PHACTR2: variants seen among roughly 807,000 people sequenced by gnomAD.
PHACTR2 encodes chromosome 6 open reading frame 56.
A neutral mutation model predicts 76.0 loss-of-function variants in PHACTR2; 30 were observed. The ratio of observed to expected loss-of-function variants is 0.39; its 90% CI spans 0.30 to 0.54. The LOEUF (loss-of-function observed/expected upper bound fraction) is 0.54. Ranked by LOEUF, PHACTR2 falls within the 20% of genes least tolerant of loss-of-function variation. PHACTR2 has a pLI of 0.61. For synonymous variants in PHACTR2, 292 were observed against 292.5 expected, an observed-to-expected ratio of 1.00 and a Z score of 0.02; for missense variants, 696 against 781.1, an observed-to-expected ratio of 0.89 and a Z score of 1.30.
At chr6:143,758,295 A>T (rs556377576) in intron 4 of PHACTR2, among the ~76,000 whole-genome samples, 2 of 152,246 alleles carry the variant, frequency 1.3e-5, no homozygotes, top group South Asian at 4.1e-4. Flanking sequence ...TGTGGTATAT[A>T]AGAGAATTAA....
In PHACTR2 at chr6:143,772,138, G is replaced by A; in HGVS notation, c.1233-120G>A. On this transcript the variant is annotated intron_variant, in intron 6 of 12. Coordinates refer to ENST00000440869, the MANE Select transcript of PHACTR2 (RefSeq NM_001100164.2). The surrounding 1 kb of genome is among the most constrained non-coding windows in gnomAD (Gnocchi z 5.4). ...GTGACTTTAGCCTGGCCTATGTCAA[G>A]TGTCTGCTTTCCTCAGCCTGAAGGA... 1 of 702,530 alleles carries A rather than the reference G, an allele frequency of 1.4e-6. No individual in the cohort carries two copies. The allele number at this position is 702,530 out of a possible 1,614,324, so 43.5% of individuals were successfully genotyped here.
intron 2 of PHACTR2, among the ~76,000 whole-genome samples, chr6:143,727,857 C>G (rs1323456413): frequency 6.6e-6 from 1 of 152,100 alleles, no homozygotes; most frequent in Non-Finnish European, 1.5e-5. Flanking sequence ...TATTAAAGCC[C>G]TTATATGACA....
intron 1 of PHACTR2, among the ~76,000 whole-genome samples, chr6:143,538,093 T>TAC (rs34308001): frequency 0.036 from 5,486 of 150,610 alleles, 227 homozygotes; most frequent in African/African-American, 0.099. Flanking sequence ...GACTCCGTCT[T>TAC]ACACACACAC....
At chr6:143,538,723 C>T (rs952621806) in intron 1 of PHACTR2, among the ~76,000 whole-genome samples, 2 of 152,232 alleles carry the variant, frequency 1.3e-5, no homozygotes, top group Admixed American at 1.3e-4. Flanking sequence ...CCATAGCCTT[C>T]TGTCTTCTTA....
chr6:143,548,684 G>T lies in PHACTR2; in HGVS notation c.217+11477G>T, dbSNP rs79022229. 0.084 allele frequency among the ~76,000 whole-genome samples: 12,818 copies of T among 151,992 alleles called. 755 individuals are homozygous for T. Among genetic ancestry groups the T allele is most frequent in the East Asian group, 0.17 (882 of 5,172 alleles). ...GGGGGACTGGGAAAACACAACAAAA[G>T]CATTCATTACCTCCTTGTACCTGGG... On this transcript the variant is annotated intron_variant, in intron 1 of 11. Coordinates refer to the PHACTR2 transcript ENST00000367584. The surrounding 1 kb of genome is among the most constrained non-coding windows in gnomAD (Gnocchi z 4.5).
Position 143,730,568 on chromosome 6 carries a change from T to G in PHACTR2, c.214+18385T>G, listed in dbSNP as rs1778677230. On this transcript the variant is annotated intron_variant, in intron 2 of 12. Transcript: ENST00000440869. This position sits in a 1 kb window ranked among gnomAD's most constrained non-coding sequence, Gnocchi z 4.8. ...CATGGACAATTATGTCATCTGTGAA[T>G]GGGAATCATTTTATTTCTTCCATTC... 6.6e-6 allele frequency among the ~76,000 whole-genome samples: 1 copy of G among 152,248 alleles called. No homozygotes were observed. Among genetic ancestry groups the G allele is most frequent in the Non-Finnish European group, 1.5e-5 (1 of 68,044 alleles).
intron 12 of PHACTR2, among the ~76,000 whole-genome samples, chr6:143,814,324 A>G (rs1776251199): frequency 6.6e-6 from 1 of 152,170 alleles, no homozygotes; most frequent in African/African-American, 2.4e-5. Context: ...TGGGCAACAG[A>G]GTGAGAATCT....
chr6:143,770,273 T>A (rs1775067115), intron 6 of PHACTR2, among the ~76,000 whole-genome samples: 1 of 152,212 alleles, frequency 6.6e-6, no homozygotes. Flanking sequence ...CATTGTATAA[T>A]TTCTCTTAGA....
At position 143,696,879 on chromosome 6, in the gene PHACTR2, A is replaced by G. The variant is rs1777782742; in HGVS notation, c.47-15137A>G. On this transcript the variant is annotated intron_variant, in intron 1 of 12. Transcript: ENST00000440869. The surrounding 1 kb of genome is among the most constrained non-coding windows in gnomAD (Gnocchi z 4.1). Reference sequence around the variant, plus strand: ...ACAGGAGATATTTGCTTCACAGTGGAAAGGTGAGATAGGAGAGGTGGTGTG... The same window carrying G: ...ACAGGAGATATTTGCTTCACAGTGGGAAGGTGAGATAGGAGAGGTGGTGTG... Among the ~76,000 whole-genome samples, 1 of 152,144 alleles carries G rather than the reference A, an allele frequency of 6.6e-6. No homozygotes were observed. Among genetic ancestry groups the G allele is most frequent in the Non-Finnish European group, 1.5e-5 (1 of 68,022 alleles).
intron 12 of PHACTR2, among the ~76,000 whole-genome samples, chr6:143,814,969 G>T (rs1169270723): frequency 1.3e-5 from 2 of 152,056 alleles, no homozygotes; most frequent in East Asian, 1.9e-4. Flanking sequence ...TCCTATGTGG[G>T]TTTACGGTTA....
intron 1 of PHACTR2, among the ~76,000 whole-genome samples, chr6:143,594,756 C>T (rs939872400): frequency 6.6e-5 from 10 of 152,238 alleles, no homozygotes; most frequent in Non-Finnish European, 5.9e-5. Flanking sequence ...TAGAGTTTGC[C>T]GTCCATGGAT....
chr6:143,769,486 A>G (rs945179760), intron 6 of PHACTR2, among the ~76,000 whole-genome samples: 5 of 152,178 alleles, frequency 3.3e-5, no homozygotes, highest in Admixed American at 2.6e-4. Context: ...GTAAAATTTA[A>G]TAGGTAGACC....
At position 143,761,953 on chromosome 6, in the gene PHACTR2, T is replaced by C. The variant is rs1243856794; in HGVS notation, c.694+1313T>C. Reference sequence around the variant, plus strand: ...CTCCCTGTGCTCCTCATGTCCCGCCTTTGACCTTTAGTGTCTGGGTCTCTT... The same window carrying C: ...CTCCCTGTGCTCCTCATGTCCCGCCCTTGACCTTTAGTGTCTGGGTCTCTT... On this transcript the variant is annotated intron_variant, in intron 5 of 12. Coordinates refer to ENST00000440869, the MANE Select transcript of PHACTR2 (RefSeq NM_001100164.2). This position sits in a 1 kb window ranked among gnomAD's most constrained non-coding sequence, Gnocchi z 5.2. Among the ~76,000 whole-genome samples, 2 of 152,164 alleles carry C rather than the reference T, an allele frequency of 1.3e-5. No homozygotes were observed. The highest frequency in any genetic ancestry group is 2.9e-5 in the Non-Finnish European group (2 of 68,018).
In PHACTR2 at chr6:143,700,858, G is replaced by A. The variant is rs1777894756; in HGVS notation, c.47-11158G>A. ...GTTGTATATGACTAACATCTACGGG[G>A]AACAAGATAGGTTGTTGGTTGATTC... On this transcript the variant is annotated intron_variant, in intron 1 of 12. Coordinates refer to ENST00000440869, the MANE Select transcript of PHACTR2 (RefSeq NM_001100164.2). The surrounding 1 kb of genome is among the most constrained non-coding windows in gnomAD (Gnocchi z 4.1). Among the ~76,000 whole-genome samples the A allele has an allele frequency of 6.6e-6, 1 of 152,172 alleles. No homozygotes were observed. The highest frequency in any genetic ancestry group is 2.4e-5 in the African/African-American group (1 of 41,430).
At position 143,755,066 on chromosome 6, in the gene PHACTR2, A is replaced by C. The variant is rs772077344; in HGVS notation, c.454+1154A>C. ...AAAAGTTTTAGAAGCCTGTGTAAAT[A>C]ATCTGTTGGAAATGTATTATTTTGC... On this transcript the variant is annotated intron_variant, in intron 4 of 12. Transcript: ENST00000440869. This position sits in a 1 kb window ranked among gnomAD's most constrained non-coding sequence, Gnocchi z 5.2. Among the ~76,000 whole-genome samples the C allele has an allele frequency of 6.6e-6, 1 of 152,220 alleles. No individual in the cohort carries two copies. The highest frequency in any genetic ancestry group is 1.5e-5 in the Non-Finnish European group (1 of 68,048).
chr6:143,656,281 T>A lies in PHACTR2; in HGVS notation c.13+47959T>A, dbSNP rs1000343430. The stretch of plus-strand genomic sequence containing the variant: ...CCTCCTGTGAGCCTAAGCTTTCTTG[T>A]CTGCAAACTGAGAGATCTCTCAAGT... On this transcript the variant is annotated intron_variant, in intron 1 of 11. Coordinates refer to the PHACTR2 transcript ENST00000305766. The surrounding 1 kb of genome is among the most constrained non-coding windows in gnomAD (Gnocchi z 5.3). 1.3e-4 allele frequency among the ~76,000 whole-genome samples: 20 copies of A among 152,190 alleles called. No homozygotes were observed. The highest frequency in any genetic ancestry group is 4.6e-4 in the African/African-American group (19 of 41,454).
In PHACTR2 at chr6:143,598,450, A is replaced by G. The variant is rs1467280282; in HGVS notation, c.217+61243A>G. 6.6e-6 allele frequency among the ~76,000 whole-genome samples: 1 copy of G among 152,224 alleles called. No homozygotes were observed. Among genetic ancestry groups the G allele is most frequent in the East Asian group, 1.9e-4 (1 of 5,204 alleles). ...CCCTACAAGATAAGACTAATTTTGG[A>G]TTTCTGACCCAGAACCATCAGAGTA... On this transcript the variant is annotated intron_variant, in intron 1 of 11. Transcript: ENST00000367584. This position sits in a 1 kb window ranked among gnomAD's most constrained non-coding sequence, Gnocchi z 4.1.
intron 12 of PHACTR2, among the ~76,000 whole-genome samples, chr6:143,813,617 CAAAAAAA>C (rs373797909): frequency 3.5e-4 from 22 of 63,126 alleles, no homozygotes; most frequent in South Asian, 5.5e-4. Context: ...GACTCCGCCT[CAAAAAAA>C]AAAAAAAAAA....
In PHACTR2 at chr6:143,710,496, C is replaced by G. The variant is rs1778149798; in HGVS notation, c.47-1520C>G. 6.6e-6 allele frequency among the ~76,000 whole-genome samples: 1 copy of G among 152,084 alleles called. No individual in the cohort carries two copies. The highest frequency in any genetic ancestry group is 2.1e-4 in the South Asian group (1 of 4,822). On this transcript the variant is annotated intron_variant, in intron 1 of 12. Coordinates refer to ENST00000440869, the MANE Select transcript of PHACTR2 (RefSeq NM_001100164.2). The surrounding 1 kb of genome is among the most constrained non-coding windows in gnomAD (Gnocchi z 4.9). ...TCACTTGAGGTCAGGAGTTCAAGAC[C>G]AGCCTGGGCAACATGGTGAAACCCC...
Sources: gnomAD v4.1 joint callset for allele counts (sites outside exome capture counted in the v4.1 genomes callset) on GRCh38, gnomAD v4.1.1 for gene constraint, Gnocchi (gnomAD v3.1) non-coding constraint, MANE v1.5 for transcripts, NCBI Gene and HGNC (gene_info 2026-07-23, HGNC 2026-07-21) for gene names.